DYNC2I1: variants seen among roughly 807,000 people sequenced by gnomAD.
The protein encoded by DYNC2I1 is cytoplasmic dynein 2 intermediate chain 1.
Under a neutral mutation model 133.4 loss-of-function variants are expected in DYNC2I1, and 89 were observed. The ratio of observed to expected loss-of-function variants is 0.67; its 90% confidence interval spans 0.56 to 0.80. The LOEUF (loss-of-function observed/expected upper bound fraction) is 0.80, where lower values mean the gene tolerates loss of function less well. Ranked by LOEUF, DYNC2I1 falls within the 30% of genes least tolerant of loss-of-function variation. DYNC2I1 has a pLI of 0.00. For missense variants in DYNC2I1, 1,291 were observed against 1,314.5 expected, an observed-to-expected ratio of 0.98 and a Z score of 0.28; for synonymous variants, 504 against 484.3, an observed-to-expected ratio of 1.04 and a Z score of -0.54.
intron 15 of DYNC2I1, among the ~76,000 whole-genome samples, chr7:158,920,387 G>A (rs1286838609): frequency 6.8e-6 from 1 of 147,064 alleles, no homozygotes; most frequent in East Asian, 2.1e-4. Flanking sequence ...CCTCCGTCGG[G>A]GAACACGTGA....
chr7:158,924,639 T>C (rs895467421), intron 17 of DYNC2I1, among the ~76,000 whole-genome samples: 1 of 152,238 alleles, frequency 6.6e-6, no homozygotes, highest in Non-Finnish European at 1.5e-5. Flanking sequence ...AAATAAATAA[T>C]CTTTGCCTTT....
At chr7:158,941,802 C>T (rs113661516) in intron 23 of DYNC2I1, 123 bp from the exon 24 acceptor site, 182 of 1,114,554 alleles carry the variant, frequency 1.6e-4, no homozygotes, top group Middle Eastern at 8.1e-4. Flanking sequence ...TGATTGAGCC[C>T]GGGAGGTCAA....
the DYNC2I1 span, among the ~76,000 whole-genome samples, chr7:158,849,930 C>A: frequency 1.3e-5 from 2 of 152,384 alleles, no homozygotes; most frequent in Admixed American, 1.3e-4. Context: ...AGCCTGGCCT[C>A]CAGCCTTCAG....
chr7:158,910,736 C>A (rs1847355761), intron 11 of DYNC2I1, among the ~76,000 whole-genome samples: 1 of 145,026 alleles, frequency 6.9e-6, no homozygotes, highest in Admixed American at 6.9e-5. Context: ...GATTAGAGGG[C>A]AGTTGGCTGT....
chr7:158,901,802 G>T lies in DYNC2I1; in HGVS notation c.1123G>T (p.Glu375Ter). Residue 375 changes from glutamate (E) to a stop codon, truncating the protein, a stop_gained, in exon 9 of 25, where the codon GAA becomes TAA. Transcript: ENST00000407559. LOFTEE classifies it high-confidence loss of function. ...AGCTGATGCATATACAGCCAGTTGT[G>T]AAGATGATTTTGAAGTATGTATAAA... ...ARADAYTASC[E>*]DDFEDYEDDF... 6.4e-7 allele frequency: 1 copy of T among 1,573,680 alleles called. No individual in the cohort carries two copies. Among genetic ancestry groups the T allele is most frequent in the South Asian group, 1.2e-5 (1 of 83,976 alleles).
chr7:158,870,837 AT>A (rs1842812316), intron 2 of DYNC2I1, among the ~76,000 whole-genome samples: 1 of 152,050 alleles, frequency 6.6e-6, no homozygotes, highest in Admixed American at 6.6e-5. Flanking sequence ...CCAATGGGTA[AT>A]TTTTCACCCT....
At chr7:158,865,734 G>A (rs984220078) in intron 1 of DYNC2I1, among the ~76,000 whole-genome samples, 14 of 152,196 alleles carry the variant, frequency 9.2e-5, no homozygotes, top group African/African-American at 1.4e-4. Flanking sequence ...GATTTTAAGC[G>A]TGGATTGCTG....
At chr7:158,843,128 TC>T in the DYNC2I1 span, among the ~76,000 whole-genome samples, 1 of 152,222 alleles carries the variant, frequency 6.6e-6, no homozygotes, top group African/African-American at 2.4e-5. Context: ...GGAGTCTTGC[TC>T]TGTTGCCCAG....
intron 4 of DYNC2I1, among the ~76,000 whole-genome samples, chr7:158,956,215 T>C (rs1315110155): frequency 1.3e-5 from 2 of 152,224 alleles, no homozygotes; most frequent in Non-Finnish European, 2.9e-5. Flanking sequence ...GCTGCGGCTG[T>C]AGGATCCACA....
chr7:158,855,655 C>T (rs143791078), upstream of DYNC2I1, among the ~76,000 whole-genome samples: 2 of 152,270 alleles, frequency 1.3e-5, no homozygotes, highest in African/African-American at 4.8e-5. Flanking sequence ...AAGGAACAAG[C>T]ACAGCTTGGA....
intron 11 of DYNC2I1, among the ~76,000 whole-genome samples, chr7:158,908,778 G>T (rs1847093716): frequency 6.6e-6 from 1 of 152,162 alleles, no homozygotes; most frequent in Non-Finnish European, 1.5e-5. Flanking sequence ...GCCATGGCCG[G>T]CCTGCTGGGG....
chr7:158,844,134 C>G, the DYNC2I1 span, among the ~76,000 whole-genome samples: 1 of 152,228 alleles, frequency 6.6e-6, no homozygotes, highest in Non-Finnish European at 1.5e-5. Context: ...TCTCTCCTCT[C>G]TCTCTCGTTT....
intron 10 of DYNC2I1, among the ~76,000 whole-genome samples, chr7:158,905,784 G>T (rs115319939): frequency 0.014 from 2,148 of 152,280 alleles, 46 homozygotes; most frequent in African/African-American, 0.049. Context: ...TAGATGATCA[G>T]TAAATTTTGC....
At chr7:158,905,058 G>A (rs1379363774) in intron 10 of DYNC2I1, 1 of 397,950 alleles carries the variant, frequency 2.5e-6, no homozygotes, top group African/African-American at 2.1e-5. Flanking sequence ...GAAATCCTTA[G>A]GGGGAAGAGG....
chr7:158,947,760 G>A (rs1177100026), downstream of DYNC2I1, among the ~76,000 whole-genome samples: 1 of 152,216 alleles, frequency 6.6e-6, no homozygotes, highest in African/African-American at 2.4e-5. Context: ...CAGTGCCCAG[G>A]AGGTGCAGCC....
At chr7:158,957,862 C>A (rs965910033), downstream of DYNC2I1, among the ~76,000 whole-genome samples, 8 of 152,230 alleles carry the variant, frequency 5.3e-5, no homozygotes, top group South Asian at 2.1e-4. Flanking sequence ...ACACAGGGGA[C>A]CCCTCCCTGC....
intron 14 of DYNC2I1, among the ~76,000 whole-genome samples, chr7:158,918,044 C>T (rs913012368): frequency 6.6e-6 from 1 of 152,084 alleles, no homozygotes; most frequent in Non-Finnish European, 1.5e-5. Context: ...TCTCACTCAA[C>T]ATTTCCTGCC....
At chr7:158,930,733 A>G (rs1016957588) in intron 21 of DYNC2I1, among the ~76,000 whole-genome samples, 2 of 151,960 alleles carry the variant, frequency 1.3e-5, no homozygotes, top group Non-Finnish European at 2.9e-5. Flanking sequence ...CAGTGGTGCA[A>G]TCTTGGCTTG....
At chr7:158,882,442 G>T (rs1844128913) in intron 5 of DYNC2I1, among the ~76,000 whole-genome samples, 1 of 152,068 alleles carries the variant, frequency 6.6e-6, no homozygotes, top group Admixed American at 6.6e-5. Context: ...ATTTAGCCAG[G>T]CATGGTGGCA....
Sources: gnomAD v4.1 joint callset for allele counts (sites outside exome capture counted in the v4.1 genomes callset) on GRCh38, gnomAD v4.1.1 for gene constraint, MANE v1.5 for transcripts, NCBI Gene and HGNC (gene_info 2026-07-23, HGNC 2026-07-21) for gene names.